The following TAPT1 variants were observed in gnomAD, a reference collection of about 807,000 sequenced individuals.
TAPT1 encodes the protein transmembrane anterior posterior transformation protein 1 homolog.
Under a neutral mutation model 65.6 loss-of-function variants are expected in TAPT1, and 28 were observed. The observed-to-expected ratio is 0.43, with a 90% CI of 0.32 to 0.59. The LOEUF (loss-of-function observed/expected upper bound fraction) is 0.59, where lower values mean the gene tolerates loss of function less well. Among genes scored for constraint, TAPT1 ranks in the 20% least tolerant of loss-of-function variants. The pLI is 0.09. For missense variants in TAPT1, 563 were observed against 679.9 expected (o/e 0.83, Z 1.91); for synonymous variants, 278 against 245.2 (o/e 1.13, Z -1.25).
chr4:16,180,393 T>TAA (rs1448970498), intron 7 of TAPT1, among the ~76,000 whole-genome samples: 1 of 152,184 alleles, frequency 6.6e-6, no homozygotes, highest in African/African-American at 2.4e-5. Context: ...TGTCTGCAGT[T>TAA]AAGAGTGGCA....
At chr4:16,207,775 A>G (rs1750431537) in intron 2 of TAPT1, among the ~76,000 whole-genome samples, 1 of 152,224 alleles carries the variant, frequency 6.6e-6, no homozygotes, top group South Asian at 2.1e-4. Flanking sequence ...CAATATATCA[A>G]TACTTACACC....
Position 16,191,540 on chromosome 4 carries a change from G to T in TAPT1, c.450-17C>A. 6.5e-7 allele frequency: 1 copy of T among 1,548,150 alleles called. No individual in the cohort carries two copies. Among genetic ancestry groups the T allele is most frequent in the Admixed American group, 2.0e-5 (1 of 50,690 alleles). On this transcript the variant is annotated splice_polypyrimidine_tract_variant and intron_variant, in intron 3 of 13. Coordinates refer to ENST00000405303, the MANE Select transcript of TAPT1 (RefSeq NM_153365.3). The stretch of plus-strand genomic sequence containing the variant: ...CGTCTGTCCCTGAAACATACAAGAA[G>T]TAATAAAAATATAATTTTTACTCTG...
chr4:16,226,305 GC>G lies in TAPT1; in HGVS notation c.152del (p.Gly51AlafsTer21). 1.8e-6 allele frequency: 2 copies of G among 1,129,684 alleles called. No individual in the cohort carries two copies. Among genetic ancestry groups the G allele is most frequent in the East Asian group, 4.6e-5 (1 of 21,904 alleles). 70.0% of individuals were successfully genotyped at this position (1,129,684 alleles called of 1,614,324 possible). A position where few individuals can be genotyped will look rare whatever the true frequency, so the allele number is the denominator to read the frequency against. ...PPAPQLTETLGFYESDRRRER... is the reference protein window; with the variant it reads ...PPAPQLTETLXFYESDRRRER... Reference sequence around the variant, plus strand: ...CCCGCCGCCGGTCGCTCTCGTAGAAGCCCAGCGTCTCTGTGAGCTGAGGCGC... The same window carrying G: ...CCCGCCGCCGGTCGCTCTCGTAGAAGCCAGCGTCTCTGTGAGCTGAGGCGC... On this transcript the variant is annotated frameshift_variant, in exon 1 of 14. Transcript: ENST00000405303. LOFTEE classifies it high-confidence loss of function.
chr4:16,175,297 A>C (rs918695220), intron 9 of TAPT1, among the ~76,000 whole-genome samples: 4 of 152,148 alleles, frequency 2.6e-5, no homozygotes, highest in Non-Finnish European at 4.4e-5. Flanking sequence ...CTGCATTAAG[A>C]AAGCTGAGAA....
chr4:16,194,223 A>G (rs1749553675), intron 3 of TAPT1, among the ~76,000 whole-genome samples: 1 of 152,242 alleles, frequency 6.6e-6, no homozygotes, highest in Admixed American at 6.5e-5. Flanking sequence ...TAACAAAGAA[A>G]AGTTGTAGAA....
intron 7 of TAPT1, among the ~76,000 whole-genome samples, chr4:16,180,152 A>G (rs949671098): frequency 6.6e-6 from 1 of 152,188 alleles, no homozygotes; most frequent in Non-Finnish European, 1.5e-5. Flanking sequence ...CTGCTACTAC[A>G]ATAGCATTTC....
intron 3 of TAPT1, among the ~76,000 whole-genome samples, chr4:16,193,961 G>A (rs773935662): frequency 6.6e-5 from 10 of 152,152 alleles, no homozygotes; most frequent in Non-Finnish European, 8.8e-5. Context: ...AGAGCTTTTC[G>A]TATTAGATGG....
At chr4:16,215,633 C>A (rs554550713) in intron 1 of TAPT1, among the ~76,000 whole-genome samples, 1 of 152,130 alleles carries the variant, frequency 6.6e-6, no homozygotes. Flanking sequence ...CAACAGGAGG[C>A]GGAATCTATC....
chr4:16,226,739 C>G (rs946278988), upstream of TAPT1: 1 of 150,810 alleles, frequency 6.6e-6, no homozygotes, highest in African/African-American at 2.4e-5. Flanking sequence ...GGCACCGCGC[C>G]GGGCTCCATG....
chr4:16,220,686 T>C (rs1751204049), intron 1 of TAPT1, among the ~76,000 whole-genome samples: 1 of 151,382 alleles, frequency 6.6e-6, no homozygotes, highest in African/African-American at 2.4e-5. Context: ...GAGGCGGAGG[T>C]TGCAGTGAGC....
At position 16,176,101 on chromosome 4, in the gene TAPT1, G is replaced by C; in HGVS notation, c.1107+18C>G. On this transcript the variant is annotated intron_variant, in intron 9 of 13. Coordinates refer to ENST00000405303, the MANE Select transcript of TAPT1 (RefSeq NM_153365.3). The stretch of plus-strand genomic sequence containing the variant: ...AGAAGTAAACTTTAAACATTGAAGT[G>C]CATATCAAAATACATACATCTGCAG... 1 of 1,199,430 alleles carries C rather than the reference G, an allele frequency of 8.3e-7. No individual in the cohort carries two copies. Among genetic ancestry groups the C allele is most frequent in the Non-Finnish European group, 1.2e-6 (1 of 852,880 alleles). The allele number at this position is 1,199,430 out of a possible 1,614,324, so 74.3% of individuals were successfully genotyped here.
intron 7 of TAPT1, 83 bp from the exon 8 acceptor site, chr4:16,179,740 C>G: frequency 1.6e-6 from 1 of 640,910 alleles, no homozygotes; most frequent in Non-Finnish European, 2.5e-6. Flanking sequence ...TTAGCCAGAA[C>G]ATGATGAAAT....
intron 3 of TAPT1, among the ~76,000 whole-genome samples, chr4:16,201,815 C>T (rs374088354): frequency 6.6e-6 from 1 of 152,140 alleles, no homozygotes; most frequent in African/African-American, 2.4e-5. Context: ...CTCAATACCC[C>T]CTTTTTGCTG....
chr4:16,186,888 G>A lies in TAPT1; in HGVS notation c.749-10C>T, dbSNP rs1749052377. On this transcript the variant is annotated splice_polypyrimidine_tract_variant and intron_variant, in intron 5 of 13. Coordinates refer to ENST00000405303, the MANE Select transcript of TAPT1 (RefSeq NM_153365.3). ...AGAATTGCATGCAAAACTAATAGAA[G>A]GTCAAGGAAAAAACTTAAATTTGCT... 2 of 1,568,202 alleles carry A rather than the reference G, an allele frequency of 1.3e-6. No individual in the cohort carries two copies. Among genetic ancestry groups the A allele is most frequent in the Non-Finnish European group, 1.7e-6 (2 of 1,147,146 alleles).
intron 1 of TAPT1, among the ~76,000 whole-genome samples, chr4:16,222,236 A>G (rs1312264688): frequency 1.3e-5 from 2 of 152,252 alleles, no homozygotes; most frequent in Admixed American, 6.5e-5. Context: ...AGTTAAAGTT[A>G]AAAACTGTCA....
At position 16,179,758 on chromosome 4, in the gene TAPT1, C is replaced by A. The variant is rs149657109; in HGVS notation, c.917-101G>T. ...GCCAGAACATGATGAAATTATTAGA[C>A]GATGTATAAATGTCTATAAATATAC... On this transcript the variant is annotated intron_variant, in intron 7 of 13. Coordinates refer to ENST00000405303, the MANE Select transcript of TAPT1 (RefSeq NM_153365.3). 1.2e-4 allele frequency: 64 copies of A among 540,212 alleles called. No homozygotes were observed. The African/African-American group carries it at 1.2e-3, about 10-fold the overall frequency. The allele number at this position is 540,212 out of a possible 1,614,324, so 33.5% of individuals were successfully genotyped here.
chr4:16,211,115 A>G (rs1180747220), intron 2 of TAPT1, among the ~76,000 whole-genome samples: 2 of 152,088 alleles, frequency 1.3e-5, no homozygotes, highest in African/African-American at 4.8e-5. Context: ...AAATATAAAA[A>G]TTAATTACAT....
rs200723168 is a variant in TAPT1, at chr4:16,163,513, G to A, written c.1499C>T (p.Ser500Phe). The change falls in exon 14 of 14, where the codon TCT becomes TTT. Residue 500 changes from serine (S) to phenylalanine (F), a missense_variant. By Grantham distance (155) the Ser-to-Phe change is radical (BLOSUM62 -2). This residue lies in a region of TAPT1 where 136 missense variants were observed against 153.9 expected (regional missense o/e 0.88). Transcript: ENST00000405303. ...AATAGGTTGTTTGGTGATGGAGGCA[G>A]ACAGGTTTTCTTCTGTGGAAAGGCC... ...SQGLSTEENL[S>F]ASITKQPIHQ... 981 of 1,613,790 alleles carry A rather than the reference G, an allele frequency of 6.1e-4. No individual in the cohort carries two copies. Among genetic ancestry groups the A allele is most frequent in the Middle Eastern group, 8.2e-4 (5 of 6,062 alleles).
At position 16,174,241 on chromosome 4, in the gene TAPT1, C is replaced by T. The variant is rs1748184136; in HGVS notation, c.1199G>A (p.Arg400Gln). 5 of 1,607,998 alleles carry T rather than the reference C, an allele frequency of 3.1e-6. No individual in the cohort carries two copies. Among genetic ancestry groups the T allele is most frequent in the Non-Finnish European group, 4.2e-6 (5 of 1,177,172 alleles). Residue 400 changes from arginine (R) to glutamine (Q), a missense_variant, in exon 11 of 14, where the codon CGG becomes CAG. By Grantham distance (43) the Arg-to-Gln change is conservative. Transcript: ENST00000405303. Reference sequence around the variant, plus strand: ...TGGGAGAGGAATAAAGCCCATCCTCCGTGCTACAGAGTCACTGTAATCAGT... The same window carrying T: ...TGGGAGAGGAATAAAGCCCATCCTCTGTGCTACAGAGTCACTGTAATCAGT... ...AYTDYSDSVA[R>Q]RMGFIPLPLA...
Sources: allele counts gnomAD v4.1 joint callset (sites outside exome capture counted in the v4.1 genomes callset), GRCh38; gene constraint gnomAD v4.1.1; regional missense constraint gnomAD v4.1.1; transcripts MANE v1.5; gene names NCBI Gene and HGNC (gene_info 2026-07-23, HGNC 2026-07-21).